The following ZNF143 variants were observed in gnomAD, a reference collection of about 807,000 sequenced individuals.
The protein encoded by ZNF143 is zinc finger protein 143, also known as SPH-binding factor.
Under a neutral mutation model 74.1 loss-of-function variants are expected in ZNF143, and 49 were observed. That is an observed-to-expected ratio of 0.66 (90% CI 0.53 to 0.84). The LOEUF is 0.84. Among genes scored for constraint, ZNF143 ranks in the 40% least tolerant of loss-of-function variants. The pLI is 0.00. For synonymous variants in ZNF143, 304 were observed against 282.8 expected, an observed-to-expected ratio of 1.07 and a Z score of -0.75; for missense variants, 637 against 793.4, an observed-to-expected ratio of 0.80 and a Z score of 2.37.
intron 7 of ZNF143, among the ~76,000 whole-genome samples, chr11:9,484,675 A>T (rs1165257414): frequency 6.8e-6 from 1 of 147,746 alleles, no homozygotes; most frequent in Non-Finnish European, 1.5e-5. Flanking sequence ...CTGAAGTGCA[A>T]TGGCCTGATC....
chr11:9,487,648 C>T (rs1038433919), intron 7 of ZNF143, among the ~76,000 whole-genome samples: 1 of 152,154 alleles, frequency 6.6e-6, no homozygotes, highest in Non-Finnish European at 1.5e-5. Flanking sequence ...TGAGCCACCA[C>T]GCCCGGCCAA....
chr11:9,498,037 A>G (rs1207050822), intron 10 of ZNF143, among the ~76,000 whole-genome samples: 1 of 151,990 alleles, frequency 6.6e-6, no homozygotes, highest in East Asian at 1.9e-4. Context: ...TCACTGTGTT[A>G]GCCAGGATGG....
intron 1 of ZNF143, among the ~76,000 whole-genome samples, chr11:9,467,100 G>A (rs915608339): frequency 6.6e-6 from 1 of 151,550 alleles, no homozygotes; most frequent in Non-Finnish European, 1.5e-5. Context: ...CACCGTGTTA[G>A]CCAGGATGCT....
intron 7 of ZNF143, among the ~76,000 whole-genome samples, chr11:9,488,044 C>T (rs1847629512): frequency 1.3e-5 from 2 of 152,122 alleles, no homozygotes; most frequent in South Asian, 4.1e-4. Flanking sequence ...CTCCCTACCT[C>T]ATTTGTCTTT....
intron 12 of ZNF143, among the ~76,000 whole-genome samples, chr11:9,511,745 A>AACAGCTTTTTTTTTTTT (rs1848555091): frequency 7.5e-6 from 1 of 133,446 alleles, no homozygotes; most frequent in Non-Finnish European, 1.6e-5. Flanking sequence ...CCTGGCCTTT[A>AACAGCTTTTTTTTTTTT]ACAGCTTTTT....
At chr11:9,525,487 T>C (rs779232432) in intron 15 of ZNF143, 101 bp downstream of exon 15, 6 of 1,478,894 alleles carry the variant, frequency 4.1e-6, no homozygotes, top group Middle Eastern at 1.7e-4. Context: ...GGAGGCAAGG[T>C]GTAGAATAAT....
At chr11:9,516,083 A>G (rs909873883) in intron 13 of ZNF143, 118 bp from the exon 14 acceptor site, 19 of 673,542 alleles carry the variant, frequency 2.8e-5, no homozygotes, top group Non-Finnish European at 4.2e-5. Flanking sequence ...ATTTCATTCT[A>G]AAAGGCTTAT....
In ZNF143 at chr11:9,520,025, A is replaced by ATTTTTTT. The variant is rs954404348; in HGVS notation, c.1686+3686_1686+3692dup. On this transcript the variant is annotated intron_variant, in intron 14 of 15. Coordinates refer to ENST00000396602, the MANE Select transcript of ZNF143 (RefSeq NM_003442.6). ...ATGTAGCAAGACACTGTTTCCACCA[A>ATTTTTTT]TTTTTTTTTTTTTTTTTTTTTTTTT... Among the ~76,000 whole-genome samples, 35 of 91,380 alleles carry ATTTTTTT rather than the reference A, an allele frequency of 3.8e-4. 1 individual carries two copies. Among genetic ancestry groups the ATTTTTTT allele is most frequent in the African/African-American group, 1.5e-3 (31 of 21,024 alleles). The allele number at this position is 91,380 out of a possible 152,430, so 59.9% of individuals were successfully genotyped here.
At chr11:9,510,903 C>G (rs780425067) in intron 12 of ZNF143, among the ~76,000 whole-genome samples, 1 of 151,972 alleles carries the variant, frequency 6.6e-6, no homozygotes, top group Non-Finnish European at 1.5e-5. Flanking sequence ...CCTTTTATGT[C>G]ACTAAATTAT....
chr11:9,513,694 G>C (rs1589939842), intron 13 of ZNF143, among the ~76,000 whole-genome samples: 1 of 152,214 alleles, frequency 6.6e-6, no homozygotes, highest in African/African-American at 2.4e-5. Context: ...TCAGGAGTTT[G>C]AGACCAGCCT....
chr11:9,477,635 T>G (rs1386180840), intron 5 of ZNF143, among the ~76,000 whole-genome samples: 1 of 152,258 alleles, frequency 6.6e-6, no homozygotes, highest in East Asian at 1.9e-4. Context: ...TCTCTATATA[T>G]ATATCGATAT....
At chr11:9,501,647 G>C (rs1184687656) in intron 11 of ZNF143, among the ~76,000 whole-genome samples, 4 of 152,156 alleles carry the variant, frequency 2.6e-5, no homozygotes, top group Non-Finnish European at 4.4e-5. Context: ...GTTTCTGGGA[G>C]ATATTTGGCA....
intron 1 of ZNF143, among the ~76,000 whole-genome samples, chr11:9,461,321 C>G (rs1035470421): frequency 2.0e-5 from 3 of 152,186 alleles, no homozygotes; most frequent in East Asian, 1.9e-4. Flanking sequence ...TCAACTCCCC[C>G]CAGCTTGTCT....
chr11:9,516,058 T>C, intron 13 of ZNF143, 143 bp from the exon 14 acceptor site: 1 of 421,920 alleles, frequency 2.4e-6, no homozygotes, highest in Non-Finnish European at 4.1e-6. Context: ...ATTTTTCTGA[T>C]GACTGAATGA....
chr11:9,498,114 G>A (rs535356081), intron 10 of ZNF143, among the ~76,000 whole-genome samples: 4 of 152,380 alleles, frequency 2.6e-5, no homozygotes, highest in East Asian at 3.9e-4. Context: ...ACAGGCGTGA[G>A]CCACCGCGCC....
chr11:9,466,764 A>T (rs559436325), intron 1 of ZNF143, among the ~76,000 whole-genome samples: 1 of 152,060 alleles, frequency 6.6e-6, no homozygotes, highest in African/African-American at 2.4e-5. Context: ...TTAATGGTCT[A>T]CAAAACACAA....
intron 15 of ZNF143, chr11:9,525,589 C>T (rs1399072939): frequency 1.5e-6 from 1 of 652,066 alleles, no homozygotes; most frequent in Non-Finnish European, 2.6e-6. Context: ...TTTGCATATT[C>T]TAGGGGAATT....
At chr11:9,505,293 G>A (rs1269220596) in intron 11 of ZNF143, among the ~76,000 whole-genome samples, 2 of 147,116 alleles carry the variant, frequency 1.4e-5, no homozygotes, top group Non-Finnish European at 3.0e-5. Flanking sequence ...TTTTTGAGAT[G>A]GAGTCTCGCT....
At position 9,513,919 on chromosome 11, in the gene ZNF143, G is replaced by T. The variant is rs549361341; in HGVS notation, c.1524+1323G>T. Among the ~76,000 whole-genome samples, 8 of 152,282 alleles carry T rather than the reference G, an allele frequency of 5.3e-5. No individual in the cohort carries two copies. In the South Asian group the frequency reaches 1.7e-3, roughly 32 times the overall value. On this transcript the variant is annotated intron_variant, in intron 13 of 15. Transcript: ENST00000396602. The stretch of plus-strand genomic sequence containing the variant: ...AATAAATAAATACATTTTAAAAAGA[G>T]GCAATCTGTTCCATTGTTGGATAAT...
Sources: gnomAD v4.1 joint callset for allele counts (sites outside exome capture counted in the v4.1 genomes callset) on GRCh38, gnomAD v4.1.1 for gene constraint, MANE v1.5 for transcripts, NCBI Gene and HGNC (gene_info 2026-07-23, HGNC 2026-07-21) for gene names.